OR5BS1: variants seen among roughly 807,000 people sequenced by gnomAD.
OR5BS1 encodes olfactory receptor 5BS1.
At chr12:48,560,447 G>A in the OR5BS1 span, 2 of 401,626 alleles carry the variant, frequency 5.0e-6, no homozygotes, top group Middle Eastern at 6.2e-4. Context: ...TTATTGACCT[G>A]TTCTGACCCC....
the OR5BS1 span, among the ~76,000 whole-genome samples, chr12:48,561,379 G>GC: frequency 6.6e-6 from 1 of 152,140 alleles, no homozygotes; most frequent in South Asian, 2.1e-4. Flanking sequence ...CTATACACAA[G>GC]CTGCTTTACA....
the OR5BS1 span, chr12:48,562,881 C>G: frequency 2.5e-6 from 1 of 402,092 alleles, no homozygotes; most frequent in Non-Finnish European, 4.4e-6. Flanking sequence ...ACCCCCTCAT[C>G]TACAGTCTGA....
the OR5BS1 span, chr12:48,560,229 G>A: frequency 1.9e-4 from 76 of 401,204 alleles, no homozygotes; most frequent in South Asian, 8.8e-4. Context: ...GCCTCCTCTC[G>A]GTCATGGCCT....
At chr12:48,562,476 A>AT in the OR5BS1 span, among the ~76,000 whole-genome samples, 1 of 152,084 alleles carries the variant, frequency 6.6e-6, no homozygotes, top group African/African-American at 2.4e-5. Context: ...TATTCATTCT[A>AT]TTTTTTTGTT....
chr12:48,560,324 C>A, the OR5BS1 span: 1 of 401,450 alleles, frequency 2.5e-6, no homozygotes. Flanking sequence ...GTGGGGGCAT[C>A]CTGGGCCATA....
chr12:48,560,730 C>A, the OR5BS1 span: 1 of 399,354 alleles, frequency 2.5e-6, no homozygotes, highest in East Asian at 3.6e-5. Flanking sequence ...CAGAAGAGAG[C>A]ATTACAAAAT....
the OR5BS1 span, among the ~76,000 whole-genome samples, chr12:48,561,585 G>GACAGCT: frequency 3.3e-5 from 5 of 152,156 alleles, no homozygotes; most frequent in Admixed American, 6.6e-5. Context: ...AGCTCTGTCT[G>GACAGCT]CCTAGTCCTC....
the OR5BS1 span, among the ~76,000 whole-genome samples, chr12:48,561,203 C>T: frequency 1.3e-5 from 2 of 151,754 alleles, no homozygotes; most frequent in East Asian, 1.9e-4. Context: ...ACTTCATTAA[C>T]CTAAGATTTG....
At chr12:48,561,431 T>C in the OR5BS1 span, among the ~76,000 whole-genome samples, 1 of 152,160 alleles carries the variant, frequency 6.6e-6, no homozygotes, top group Non-Finnish European at 1.5e-5. Context: ...ACAAGAGAAA[T>C]ATTATCAACC....
chr12:48,559,890 C>A, the OR5BS1 span: 1 of 401,366 alleles, frequency 2.5e-6, no homozygotes, highest in South Asian at 1.3e-4. Context: ...CCATGGAAGT[C>A]AGCAACATGA....
chr12:48,559,885 G>A, the OR5BS1 span: 1 of 401,226 alleles, frequency 2.5e-6, no homozygotes, highest in African/African-American at 2.1e-5. Context: ...ATGCTCCATG[G>A]AAGTCAGCAA....
chr12:48,561,933 A>C, the OR5BS1 span, among the ~76,000 whole-genome samples: 1 of 123,730 alleles, frequency 8.1e-6, no homozygotes, highest in Non-Finnish European at 1.7e-5. Context: ...GATGACAAAA[A>C]ATAACAGTAA....
At chr12:48,562,865 T>C in the OR5BS1 span, 331 of 402,086 alleles carry the variant, frequency 8.2e-4, 3 homozygotes, top group African/African-American at 6.5e-3. Context: ...ATAACCCCCC[T>C]GCTGAACCCC....
chr12:48,562,878 C>T, the OR5BS1 span: 1 of 402,082 alleles, frequency 2.5e-6, no homozygotes, highest in East Asian at 3.6e-5. Flanking sequence ...TGAACCCCCT[C>T]ATCTACAGTC....
chr12:48,562,785 C>G, the OR5BS1 span: 1 of 401,620 alleles, frequency 2.5e-6, no homozygotes, highest in Non-Finnish European at 4.4e-6. Flanking sequence ...CTGTACAATT[C>G]CCTTCAAGGT....
chr12:48,560,230 G>T, the OR5BS1 span: 1 of 401,140 alleles, frequency 2.5e-6, no homozygotes, highest in African/African-American at 2.1e-5. Flanking sequence ...CCTCCTCTCG[G>T]TCATGGCCTA....
the OR5BS1 span, chr12:48,562,950 C>T: frequency 2.5e-6 from 1 of 401,174 alleles, no homozygotes; most frequent in Non-Finnish European, 4.4e-6. Flanking sequence ...CCAGGCTTCC[C>T]TTGTAGCCCA....
chr12:48,561,283 T>C, the OR5BS1 span, among the ~76,000 whole-genome samples: 4 of 152,190 alleles, frequency 2.6e-5, no homozygotes, highest in African/African-American at 9.6e-5. Flanking sequence ...AAATAAAACC[T>C]TTCTTTGAAA....
chr12:48,562,865 T>G, the OR5BS1 span: 1 of 402,086 alleles, frequency 2.5e-6, no homozygotes, highest in Non-Finnish European at 4.4e-6. Flanking sequence ...ATAACCCCCC[T>G]GCTGAACCCC....
Sources: allele counts gnomAD v4.1 joint callset (sites outside exome capture counted in the v4.1 genomes callset), GRCh38; gene constraint gnomAD v4.1.1; transcripts MANE v1.5; gene names NCBI Gene and HGNC (gene_info 2026-07-23, HGNC 2026-07-21).